The following ARHGAP44 variants were observed in gnomAD, a reference collection of about 807,000 sequenced individuals.
ARHGAP44 encodes Rho GTPase activating protein 44.
Under a neutral mutation model 106.8 loss-of-function variants are expected in ARHGAP44, and 43 were observed. That is an observed-to-expected ratio of 0.40 (90% CI 0.32 to 0.52). ARHGAP44 has a LOEUF of 0.52. Ranked by LOEUF, ARHGAP44 falls within the 20% of genes least tolerant of loss-of-function variation. The pLI is 0.48. For missense variants in ARHGAP44, 866 were observed against 1,050.5 expected, an observed-to-expected ratio of 0.82 and a Z score of 2.43; for synonymous variants, 439 against 410.3, an observed-to-expected ratio of 1.07 and a Z score of -0.85.
intron 3 of ARHGAP44, among the ~76,000 whole-genome samples, chr17:12,899,783 G>C (rs1486609004): frequency 6.6e-6 from 1 of 152,166 alleles, no homozygotes; most frequent in Non-Finnish European, 1.5e-5. Flanking sequence ...GCACATGTAA[G>C]TTGCTGCTTG....
In ARHGAP44 at chr17:12,911,260, A is replaced by G. The variant is rs79128990; in HGVS notation, c.275+2287A>G. Reference sequence around the variant, plus strand: ...TGACAGAGTAACGTTGGAAATAAAGATGACAGATTGAACATGCATCTGATT... The same window carrying G: ...TGACAGAGTAACGTTGGAAATAAAGGTGACAGATTGAACATGCATCTGATT... On this transcript the variant is annotated intron_variant, in intron 4 of 20. Coordinates refer to ENST00000379672, the MANE Select transcript of ARHGAP44 (RefSeq NM_014859.6). Among the ~76,000 whole-genome samples the G allele has an allele frequency of 2.6e-3, 395 of 152,302 alleles. 10 individuals carry two copies. The East Asian group carries it at 0.044, about 17-fold the overall frequency.
At chr17:12,846,062 T>G (rs1597928927) in intron 1 of ARHGAP44, among the ~76,000 whole-genome samples, 1 of 150,824 alleles carries the variant, frequency 6.6e-6, no homozygotes, top group Non-Finnish European at 1.5e-5. Context: ...TTCACCGTTA[T>G]GAGGAAGGTG....
chr17:12,947,862 A>G (rs1158085648), intron 10 of ARHGAP44, among the ~76,000 whole-genome samples: 1 of 152,168 alleles, frequency 6.6e-6, no homozygotes, highest in Non-Finnish European at 1.5e-5. Flanking sequence ...TAGCTTCCTC[A>G]CATATATGCC....
chr17:12,860,074 G>GTTGGCATATCAAAGGCATGCCC (rs1180721073), intron 1 of ARHGAP44, among the ~76,000 whole-genome samples: 1 of 152,044 alleles, frequency 6.6e-6, no homozygotes, highest in Non-Finnish European at 1.5e-5. Context: ...CAAGTAGTTG[G>GTTGGCATATCAAAGGCATGCCC]TTGGCATATC....
chr17:12,920,630 G>A (rs1338824493), intron 6 of ARHGAP44, among the ~76,000 whole-genome samples: 3 of 152,128 alleles, frequency 2.0e-5, no homozygotes, highest in Non-Finnish European at 4.4e-5. Context: ...AGGAGCAAAG[G>A]GAAGAGAAGT....
At chr17:12,856,891 C>T (rs2035925725) in intron 1 of ARHGAP44, among the ~76,000 whole-genome samples, 1 of 152,142 alleles carries the variant, frequency 6.6e-6, no homozygotes, top group Non-Finnish European at 1.5e-5. Flanking sequence ...ATTCTTGTTG[C>T]TCTTTCTGTG....
chr17:12,956,067 G>T, intron 14 of ARHGAP44, 87 bp downstream of exon 14: 1 of 893,704 alleles, frequency 1.1e-6, no homozygotes, highest in South Asian at 1.5e-5. Flanking sequence ...GGGCCTAGCT[G>T]AGCACCAGCC....
intron 1 of ARHGAP44, among the ~76,000 whole-genome samples, chr17:12,799,748 G>C (rs1489709197): frequency 2.0e-5 from 3 of 152,130 alleles, no homozygotes; most frequent in Middle Eastern, 6.3e-3. Flanking sequence ...TTCTGCCTCA[G>C]CCTCCTGAGT....
intron 6 of ARHGAP44, among the ~76,000 whole-genome samples, chr17:12,920,351 G>T (rs1232971727): frequency 1.6e-5 from 2 of 128,136 alleles, no homozygotes; most frequent in Non-Finnish European, 3.0e-5. Flanking sequence ...ATTCCAGCCT[G>T]GGCGACAGAG....
Position 12,991,108 on chromosome 17 carries a change from CGGCCTGCGGTGT to C in ARHGAP44, c.*945_*956del, listed in dbSNP as rs1247233706. 1.5e-4 allele frequency: 23 copies of C among 152,652 alleles called. No individual in the cohort carries two copies. The highest frequency in any genetic ancestry group is 7.3e-5 in the Non-Finnish European group (5 of 68,054). 9.5% of individuals were successfully genotyped at this position (152,652 alleles called of 1,614,324 possible). On this transcript the variant is annotated 3_prime_UTR_variant, in exon 21 of 21. Coordinates refer to ENST00000379672, the MANE Select transcript of ARHGAP44 (RefSeq NM_014859.6). ...CCACGGAGACGCTGGCCCACGGGCT[CGGCCTGCGGTGT>C]GGCCTGCTTTGCTCACCAGCGTCAG... is the stretch of plus-strand genomic sequence containing the variant.
At chr17:12,802,414 G>T (rs961942813) in intron 1 of ARHGAP44, among the ~76,000 whole-genome samples, 1 of 152,140 alleles carries the variant, frequency 6.6e-6, no homozygotes, top group East Asian at 1.9e-4. Flanking sequence ...TGGCAAAGGA[G>T]TTGCTTCAAA....
intron 16 of ARHGAP44, among the ~76,000 whole-genome samples, chr17:12,969,301 G>A (rs1336444738): frequency 6.6e-6 from 1 of 152,036 alleles, no homozygotes; most frequent in Non-Finnish European, 1.5e-5. Context: ...TCTCTGAGGA[G>A]ATTTTCAAAA....
At chr17:12,973,257 C>T (rs2143327684) in intron 16 of ARHGAP44, 45 bp from the exon 17 acceptor site, 1 of 1,589,500 alleles carries the variant, frequency 6.3e-7, no homozygotes, top group East Asian at 2.3e-5. Context: ...CAAAGGAAGG[C>T]CTAGATTTTT....
At chr17:12,850,641 G>A (rs2035712929) in intron 1 of ARHGAP44, among the ~76,000 whole-genome samples, 1 of 152,070 alleles carries the variant, frequency 6.6e-6, no homozygotes. Context: ...CATTCCCTTG[G>A]CACCAGCACT....
At chr17:12,846,753 G>A (rs757885490) in intron 1 of ARHGAP44, among the ~76,000 whole-genome samples, 1 of 152,208 alleles carries the variant, frequency 6.6e-6, no homozygotes. Flanking sequence ...CAGAATGAAT[G>A]AAAAACAGGA....
At chr17:12,861,477 C>T (rs1382746002) in intron 1 of ARHGAP44, among the ~76,000 whole-genome samples, 2 of 151,788 alleles carry the variant, frequency 1.3e-5, no homozygotes, top group Non-Finnish European at 2.9e-5. Flanking sequence ...GAATTAGTTT[C>T]CCTGACTTCT....
At chr17:12,981,701 C>T (rs2039835776) in intron 19 of ARHGAP44, among the ~76,000 whole-genome samples, 1 of 151,580 alleles carries the variant, frequency 6.6e-6, no homozygotes, top group African/African-American at 2.4e-5. Context: ...CCCGGCCAGG[C>T]ACCTCTTTGT....
At chr17:12,878,398 T>C (rs2036622269) in intron 1 of ARHGAP44, among the ~76,000 whole-genome samples, 1 of 152,160 alleles carries the variant, frequency 6.6e-6, no homozygotes. Flanking sequence ...AATTTCAAGA[T>C]CAGTTTGCCC....
At chr17:12,803,566 G>A (rs11867725) in intron 1 of ARHGAP44, among the ~76,000 whole-genome samples, 44,988 of 152,008 alleles carry the variant, frequency 0.3, 9,384 homozygotes, top group African/African-American at 0.59. Flanking sequence ...GGCGTGGGTC[G>A]TAGCTCACTG....
Sources: allele counts gnomAD v4.1 joint callset (sites outside exome capture counted in the v4.1 genomes callset), GRCh38; gene constraint gnomAD v4.1.1; transcripts MANE v1.5; gene names NCBI Gene and HGNC (gene_info 2026-07-23, HGNC 2026-07-21).